Variants in TRIP12 observed in about 807,000 individuals in gnomAD.
TRIP12 encodes the protein E3 ubiquitin-protein ligase TRIP12.
Under a neutral mutation model 244.2 loss-of-function variants are expected in TRIP12, and 25 were observed. That is an observed-to-expected ratio of 0.10 (90% confidence interval 0.07 to 0.14). The LOEUF (loss-of-function observed/expected upper bound fraction) is 0.14. TRIP12 is among the 10% of genes least tolerant of loss of function. The probability of loss-of-function intolerance (pLI) is 1.00; values close to 1 mark genes in which losing one functional copy is unlikely to be tolerated. For synonymous variants in TRIP12, 905 were observed against 873.1 expected, an observed-to-expected ratio of 1.04 and a Z score of -0.64; for missense variants, 1,677 against 2,486.4, an observed-to-expected ratio of 0.67 and a Z score of 6.92.
In TRIP12 at chr2:229,810,883, G is replaced by C; in HGVS notation, c.2218C>G (p.Gln740Glu). The change falls in exon 15 of 42, where the codon CAA (glutamine) becomes GAA (glutamate). Residue 740 changes from glutamine (Q) to glutamate (E), a missense_variant. By Grantham distance (29) the Gln-to-Glu change is conservative. Around this residue, in one of 11 missense-constraint regions of TRIP12, gnomAD observed 572 missense variants for 867.8 expected, o/e 0.66. Transcript: ENST00000675903. ...CPTLAVQLMK[Q>E]NIAETLHFLL... ...AGAACAGTAAATTTGCACTTACTTT[G>C]TTTCATAAGTTGAACAGCTAAAGTT... The C allele has an allele frequency of 6.2e-7, 1 of 1,612,838 alleles. No homozygotes were observed. The highest frequency in any genetic ancestry group is 2.2e-5 in the East Asian group (1 of 44,840).
At chr2:229,904,381 G>A (rs969361760) in intron 1 of TRIP12, among the ~76,000 whole-genome samples, 16 of 127,082 alleles carry the variant, frequency 1.3e-4, no homozygotes, top group Non-Finnish European at 1.7e-4. Flanking sequence ...TTATGCCACT[G>A]CACTCCAGCC....
At chr2:229,770,999 T>C (rs2034098422) in intron 39 of TRIP12, among the ~76,000 whole-genome samples, 2 of 152,214 alleles carry the variant, frequency 1.3e-5, no homozygotes, top group South Asian at 2.1e-4. Flanking sequence ...AACAGACTAA[T>C]ACAGGCGGCT....
intron 23 of TRIP12, among the ~76,000 whole-genome samples, chr2:229,798,250 G>A (rs890275960): frequency 6.6e-6 from 1 of 152,024 alleles, no homozygotes; most frequent in African/African-American, 2.4e-5. Context: ...AATAAGACCC[G>A]GCTGCTTAAA....
At chr2:229,849,031 G>A (rs1368936391) in intron 4 of TRIP12, among the ~76,000 whole-genome samples, 4 of 152,152 alleles carry the variant, frequency 2.6e-5, no homozygotes, top group African/African-American at 9.7e-5. Flanking sequence ...GGGAAACTAA[G>A]AAGACTGAAG....
chr2:229,783,244 A>G (rs2038874121), intron 34 of TRIP12, among the ~76,000 whole-genome samples: 1 of 152,258 alleles, frequency 6.6e-6, no homozygotes, highest in African/African-American at 2.4e-5. Context: ...CTGTGACTAT[A>G]AAGGTTCACT....
chr2:229,859,918 G>A lies in TRIP12; in HGVS notation c.225-344C>T, dbSNP rs557128863. 5.9e-5 allele frequency among the ~76,000 whole-genome samples: 9 copies of A among 152,282 alleles called. No individual in the cohort carries two copies. The South Asian group carries it at 1.7e-3, about 28-fold the overall frequency. On this transcript the variant is annotated intron_variant, in intron 3 of 41. Transcript: ENST00000675903. Reference sequence around the variant, plus strand: ...CAGAATATTGATGCCCTATTCACAAGCACAACTGCTTTGTCAAAGCTTAGA... The same window carrying A: ...CAGAATATTGATGCCCTATTCACAAACACAACTGCTTTGTCAAAGCTTAGA...
In TRIP12 at chr2:229,814,214, C is replaced by T. The variant is rs533783301; in HGVS notation, c.1824+19G>A. On this transcript the variant is annotated intron_variant, in intron 12 of 41. Transcript: ENST00000675903. The stretch of plus-strand genomic sequence containing the variant: ...TCTACATAAAGTGAAATGTAGTCCC[C>T]TTCAGTAACAACACTTACCGCCTGT... The T allele has an allele frequency of 6.2e-7, 1 of 1,610,678 alleles. No homozygotes were observed. The highest frequency in any genetic ancestry group is 1.3e-5 in the African/African-American group (1 of 74,822).
chr2:229,817,514 A>G (rs796392095), intron 9 of TRIP12, among the ~76,000 whole-genome samples: 4 of 152,314 alleles, frequency 2.6e-5, no homozygotes, highest in African/African-American at 9.6e-5. Context: ...CTGTTAATAA[A>G]TCTATCATAT....
intron 39 of TRIP12, 81 bp downstream of exon 39, chr2:229,771,438 T>C: frequency 8.1e-7 from 1 of 1,229,936 alleles, no homozygotes; most frequent in South Asian, 1.3e-5. Context: ...TGTGCAACAA[T>C]ACGGTCTTTG....
At chr2:229,876,318 G>A (rs2063564848) in intron 2 of TRIP12, among the ~76,000 whole-genome samples, 1 of 152,092 alleles carries the variant, frequency 6.6e-6, no homozygotes, top group African/African-American at 2.4e-5. Context: ...GGGCTGATAA[G>A]AAGGCCTTCA....
At chr2:229,775,144 T>A (rs747924961) in intron 37 of TRIP12, among the ~76,000 whole-genome samples, 15 of 152,310 alleles carry the variant, frequency 9.8e-5, no homozygotes, top group Non-Finnish European at 1.8e-4. Context: ...ACAGTTAGAA[T>A]GTTCTGATTA....
intron 3 of TRIP12, among the ~76,000 whole-genome samples, chr2:229,860,069 C>T (rs1387413060): frequency 6.6e-6 from 1 of 151,912 alleles, no homozygotes; most frequent in Non-Finnish European, 1.5e-5. Flanking sequence ...TTAAGAATCA[C>T]TGACTTAAAC....
intron 32 of TRIP12, among the ~76,000 whole-genome samples, chr2:229,788,594 T>TA (rs1559404603): frequency 1.3e-5 from 2 of 152,230 alleles, no homozygotes; most frequent in African/African-American, 4.8e-5. Context: ...GTTTCATACA[T>TA]AGACACATAC....
chr2:229,922,447 G>A, upstream of TRIP12: 3 of 1,475,082 alleles, frequency 2.0e-6, no homozygotes, highest in Non-Finnish European at 2.8e-6. Context: ...CTAGGGTTTT[G>A]GCCCCTTGAC....
intron 2 of TRIP12, among the ~76,000 whole-genome samples, chr2:229,866,785 G>A (rs10498241): frequency 0.017 from 2,578 of 152,136 alleles, 64 homozygotes; most frequent in African/African-American, 0.059. Context: ...TGTTTCCAAC[G>A]AATACTTTTA....
At chr2:229,890,311 C>T (rs529295579) in intron 1 of TRIP12, among the ~76,000 whole-genome samples, 3 of 152,044 alleles carry the variant, frequency 2.0e-5, no homozygotes, top group Non-Finnish European at 4.4e-5. Flanking sequence ...AACTCCTGAC[C>T]TCAGGTGATC....
chr2:229,860,630 C>T (rs1405635040), intron 2 of TRIP12, 99 bp from the exon 3 acceptor site: 3 of 1,139,880 alleles, frequency 2.6e-6, no homozygotes, highest in East Asian at 5.8e-5. Flanking sequence ...AAGCTTCCCA[C>T]AATTCATTGT....
rs1442405376 is a variant in TRIP12, at chr2:229,811,326, A to G, written c.1987-122T>C. 6 of 1,013,678 alleles carry G rather than the reference A, an allele frequency of 5.9e-6. No individual in the cohort carries two copies. In the Admixed American group the frequency reaches 8.1e-5, roughly 14 times the overall value. The allele number at this position is 1,013,678 out of a possible 1,614,324, so 62.8% of individuals were successfully genotyped here. ...AAGGCAAGCTCAATTAGTAAATGAC[A>G]GCTTTGAAAATGCAAATGGGCCTAA... is the stretch of plus-strand genomic sequence containing the variant. On this transcript the variant is annotated intron_variant, in intron 13 of 41. Transcript: ENST00000675903.
At chr2:229,914,463 T>C (rs932653470) in intron 1 of TRIP12, among the ~76,000 whole-genome samples, 1 of 152,166 alleles carries the variant, frequency 6.6e-6, no homozygotes, top group African/African-American at 2.4e-5. Flanking sequence ...TCAAAAAAAG[T>C]AGGGGACATT....
Sources: allele counts gnomAD v4.1 joint callset (sites outside exome capture counted in the v4.1 genomes callset), GRCh38; gene constraint gnomAD v4.1.1; regional missense constraint gnomAD v4.1.1; transcripts MANE v1.5; gene names NCBI Gene and HGNC (gene_info 2026-07-23, HGNC 2026-07-21).